Variants in SPATS2L observed in about 807,000 individuals in gnomAD.
SPATS2L encodes the protein SPATS2-like protein.
Under a neutral mutation model 59.6 loss-of-function variants are expected in SPATS2L, and 30 were observed. The observed-to-expected ratio is 0.50, with a 90% confidence interval of 0.38 to 0.68. The LOEUF is 0.68. Among genes scored for constraint, SPATS2L ranks in the 30% least tolerant of loss-of-function variants. SPATS2L has a pLI of 0.00. For missense variants in SPATS2L, 615 were observed against 700.0 expected (o/e 0.88, Z 1.37); for synonymous variants, 252 against 263.5 (o/e 0.96, Z 0.42).
At chr2:200,313,157 C>A (rs1004868244) in intron 1 of SPATS2L, among the ~76,000 whole-genome samples, 1 of 152,190 alleles carries the variant, frequency 6.6e-6, no homozygotes, top group Admixed American at 6.5e-5. Context: ...ATTTACCTAT[C>A]GGTCTGCACA....
chr2:200,330,183 A>G (rs1299941666), intron 2 of SPATS2L, among the ~76,000 whole-genome samples: 3 of 152,258 alleles, frequency 2.0e-5, no homozygotes, highest in Non-Finnish European at 2.9e-5. Context: ...AGGCAAACTT[A>G]CACAAAATTG....
At chr2:200,357,285 C>A (rs752616947) in intron 2 of SPATS2L, among the ~76,000 whole-genome samples, 3 of 152,142 alleles carry the variant, frequency 2.0e-5, no homozygotes, top group Non-Finnish European at 4.4e-5. Context: ...CTTTCATTGT[C>A]AGTGTCTGTA....
chr2:200,323,010 A>G (rs2079615204), intron 1 of SPATS2L, among the ~76,000 whole-genome samples: 1 of 152,208 alleles, frequency 6.6e-6, no homozygotes. Context: ...TTTGCAAGGG[A>G]GAAACAGTAT....
intron 2 of SPATS2L, 62 bp downstream of exon 2, chr2:200,329,542 T>C: frequency 6.9e-7 from 1 of 1,440,170 alleles, no homozygotes; most frequent in African/African-American, 1.4e-5. Context: ...CAGCTGTCCC[T>C]ACACCTGCAG....
rs767807361 is a variant in SPATS2L at position 200,459,774 on chromosome 2, T to C, written c.794T>C (p.Ile265Thr). ...TTGTTTTTGTTTTTCCCCAGCATCA[T>C]TGACAAAGAAGTTTCATTAATGGCA... ...AAFAELHNCI[I>T]DKEVSLMAEM... is the part of the protein sequence containing the mutation. Residue 265 changes from isoleucine to threonine, a missense_variant, in exon 9 of 13, where the codon ATT becomes ACT. By Grantham distance (89) the Ile-to-Thr change is moderately conservative. This residue lies in a region of SPATS2L where 104 missense variants were observed against 162.5 expected (regional missense o/e 0.64). Coordinates refer to ENST00000409140, the MANE Select transcript of SPATS2L (RefSeq NM_001100423.2). The C allele has an allele frequency of 6.2e-7, 1 of 1,612,570 alleles. No homozygotes were observed. Among genetic ancestry groups the C allele is most frequent in the South Asian group, 1.1e-5 (1 of 90,758 alleles).
At chr2:200,352,363 ATATATATATG>A (rs2080769760) in intron 2 of SPATS2L, among the ~76,000 whole-genome samples, 1 of 70,796 alleles carries the variant, frequency 1.4e-5, no homozygotes, top group Non-Finnish European at 3.0e-5. Context: ...ATATATATAT[ATATATATATG>A]GTAAACAAGC....
chr2:200,422,132 C>G (rs563920572), intron 6 of SPATS2L, among the ~76,000 whole-genome samples: 1 of 152,270 alleles, frequency 6.6e-6, no homozygotes, highest in Non-Finnish European at 1.5e-5. Context: ...CACAGTGATC[C>G]CATTCTCCCT....
intron 8 of SPATS2L, among the ~76,000 whole-genome samples, chr2:200,445,430 T>C (rs1268415432): frequency 1.3e-5 from 2 of 152,220 alleles, no homozygotes; most frequent in Admixed American, 6.5e-5. Flanking sequence ...TGAAGCCCTG[T>C]TGATAGCCAA....
intron 1 of SPATS2L, among the ~76,000 whole-genome samples, chr2:200,307,560 C>T (rs989938545): frequency 6.6e-6 from 1 of 152,162 alleles, no homozygotes; most frequent in Non-Finnish European, 1.5e-5. Flanking sequence ...AGCGGTCGCG[C>T]CGCCGCATTT....
chr2:200,371,710 A>G (rs1300957939), intron 2 of SPATS2L, among the ~76,000 whole-genome samples: 1 of 152,198 alleles, frequency 6.6e-6, no homozygotes, highest in Non-Finnish European at 1.5e-5. Flanking sequence ...TCCCTTATAC[A>G]TAGAGTCCCA....
chr2:200,450,128 A>G (rs985073058), intron 8 of SPATS2L, among the ~76,000 whole-genome samples: 2 of 152,186 alleles, frequency 1.3e-5, no homozygotes, highest in African/African-American at 4.8e-5. Flanking sequence ...TGAGTTTTTT[A>G]ACTCCTTCTC....
At chr2:200,347,424 G>A (rs552246855) in intron 2 of SPATS2L, among the ~76,000 whole-genome samples, 160 of 152,250 alleles carry the variant, frequency 1.1e-3, no homozygotes, top group African/African-American at 3.8e-3. Context: ...CCTGGTCACA[G>A]GATGGTCAAG....
At chr2:200,463,644 TGTA>T (rs2086394112) in intron 9 of SPATS2L, among the ~76,000 whole-genome samples, 1 of 152,194 alleles carries the variant, frequency 6.6e-6, no homozygotes, top group South Asian at 2.1e-4. Context: ...CCAAGTGTGT[TGTA>T]GTGCTAGGGT....
intron 6 of SPATS2L, among the ~76,000 whole-genome samples, chr2:200,436,779 G>A (rs954420881): frequency 2.0e-5 from 3 of 152,108 alleles, no homozygotes; most frequent in African/African-American, 7.2e-5. Flanking sequence ...GAAGATCTGT[G>A]TTTTAAATTT....
chr2:200,318,551 A>G (rs2079455342), intron 1 of SPATS2L, among the ~76,000 whole-genome samples: 1 of 152,210 alleles, frequency 6.6e-6, no homozygotes, highest in African/African-American at 2.4e-5. Context: ...TTTCGGTTGC[A>G]GTGGATGATA....
intron 8 of SPATS2L, among the ~76,000 whole-genome samples, chr2:200,457,676 G>A (rs1195422116): frequency 6.6e-6 from 1 of 152,250 alleles, no homozygotes; most frequent in Non-Finnish European, 1.5e-5. Flanking sequence ...TTAGAGCCCA[G>A]TTCTGGAGAA....
intron 12 of SPATS2L, among the ~76,000 whole-genome samples, chr2:200,476,758 CCTT>C (rs2087551858): frequency 6.6e-6 from 1 of 152,210 alleles, no homozygotes; most frequent in African/African-American, 2.4e-5. Flanking sequence ...GCTCAATAGA[CCTT>C]CTACTTTTTC....
chr2:200,452,702 G>C (rs1008610070), intron 8 of SPATS2L, among the ~76,000 whole-genome samples: 2 of 152,174 alleles, frequency 1.3e-5, no homozygotes, highest in African/African-American at 4.8e-5. Flanking sequence ...TGTTGAGTGT[G>C]GTTCATGCTT....
intron 8 of SPATS2L, among the ~76,000 whole-genome samples, chr2:200,451,662 G>T (rs1016140553): frequency 6.6e-6 from 1 of 152,092 alleles, no homozygotes; most frequent in Non-Finnish European, 1.5e-5. Context: ...TGGAGGCCAG[G>T]AGCAGAGGAG....
Sources: allele counts gnomAD v4.1 joint callset (sites outside exome capture counted in the v4.1 genomes callset), GRCh38; gene constraint gnomAD v4.1.1; regional missense constraint gnomAD v4.1.1; transcripts MANE v1.5; gene names NCBI Gene and HGNC (gene_info 2026-07-23, HGNC 2026-07-21).